Variants in DGKB observed in about 807,000 individuals in gnomAD.
DGKB encodes the protein diacylglycerol kinase beta.
Under a neutral mutation model 114.3 loss-of-function variants are expected in DGKB, and 67 were observed. That is an observed-to-expected ratio of 0.59 (90% confidence interval 0.48 to 0.72). The LOEUF (loss-of-function observed/expected upper bound fraction) is 0.72, where lower values mean the gene tolerates loss of function less well. Among genes scored for constraint, DGKB ranks in the 30% least tolerant of loss-of-function variants. DGKB has a pLI of 0.00. For synonymous variants in DGKB, 398 were observed against 323.1 expected, an observed-to-expected ratio of 1.23 and a Z score of -2.49; for missense variants, 907 against 975.2, an observed-to-expected ratio of 0.93 and a Z score of 0.93.
intron 23 of DGKB, among the ~76,000 whole-genome samples, chr7:14,285,914 A>G (rs1230902035): frequency 6.6e-6 from 1 of 152,128 alleles, no homozygotes; most frequent in East Asian, 1.9e-4. Context: ...AAAAAATACA[A>G]AGAAAACCCT....
intron 25 of DGKB, among the ~76,000 whole-genome samples, chr7:14,169,998 G>A (rs1780622340): frequency 6.6e-6 from 1 of 151,666 alleles, no homozygotes; most frequent in Non-Finnish European, 1.5e-5. Flanking sequence ...GCCAGGTGTG[G>A]TGGCACATGC....
intron 15 of DGKB, among the ~76,000 whole-genome samples, chr7:14,616,027 ATTT>A (rs1048363931): frequency 8.5e-4 from 128 of 150,988 alleles, no homozygotes; most frequent in African/African-American, 3.1e-3. Context: ...TTACAGTAAT[ATTT>A]TTATTTTTTT....
intron 13 of DGKB, among the ~76,000 whole-genome samples, chr7:14,639,970 T>C (rs1452249345): frequency 5.3e-5 from 8 of 151,988 alleles, no homozygotes; most frequent in Admixed American, 5.2e-4. Context: ...CAGTGGGTGT[T>C]ATCTACACAC....
chr7:14,309,876 A>C (rs1276427819), intron 23 of DGKB, among the ~76,000 whole-genome samples: 2 of 152,210 alleles, frequency 1.3e-5, no homozygotes, highest in African/African-American at 4.8e-5. Flanking sequence ...TACACAGAGT[A>C]TGTAGCCTAA....
In DGKB at chr7:14,338,665, T is replaced by C; in HGVS notation, c.1972A>G (p.Ile658Val). 6.3e-7 allele frequency: 1 copy of C among 1,599,368 alleles called. No homozygotes were observed. Among genetic ancestry groups the C allele is most frequent in the Non-Finnish European group, 8.5e-7 (1 of 1,172,192 alleles). The stretch of plus-strand genomic sequence containing the variant: ...ATGCTTGGTATATTCAAAATAGCAA[T>C]TCCTTCCAGAGAGATGTTTATTAAA... ...IDLINISLEG[I>V]AILNIPSMHG... Residue 658 changes from isoleucine to valine, a missense_variant, in exon 23 of 26, where the codon ATT becomes GTT. Transcript: ENST00000402815.
chr7:14,487,990 C>A (rs113858877), intron 20 of DGKB, among the ~76,000 whole-genome samples: 120 of 152,150 alleles, frequency 7.9e-4, no homozygotes, highest in African/African-American at 2.7e-3. Context: ...AACTTATGAA[C>A]ATTGTAATGG....
intron 25 of DGKB, among the ~76,000 whole-genome samples, chr7:14,165,353 A>C (rs1256569624): frequency 6.6e-6 from 1 of 152,180 alleles, no homozygotes; most frequent in Admixed American, 6.5e-5. Flanking sequence ...TGTACAACTT[A>C]CTAATTTGTT....
intron 1 of DGKB, among the ~76,000 whole-genome samples, chr7:14,876,610 G>C (rs1485586711): frequency 6.6e-6 from 1 of 152,196 alleles, no homozygotes; most frequent in African/African-American, 2.4e-5. Flanking sequence ...GTTCTATGGT[G>C]TAAGTTTTAT....
intron 19 of DGKB, among the ~76,000 whole-genome samples, chr7:14,577,518 G>A (rs939991225): frequency 9.2e-5 from 14 of 152,136 alleles, no homozygotes; most frequent in Admixed American, 7.9e-4. Context: ...TCGGGAGGCT[G>A]AGGCAGGAGA....
At chr7:14,327,986 T>C (rs574660851) in intron 23 of DGKB, among the ~76,000 whole-genome samples, 11 of 152,144 alleles carry the variant, frequency 7.2e-5, no homozygotes, top group African/African-American at 9.6e-5. Context: ...CTATTTTATA[T>C]GGAAGTCACA....
At position 14,480,165 on chromosome 7, in the gene DGKB, G is replaced by A. The variant is rs111687125; in HGVS notation, c.1771-1940C>T. On this transcript the variant is annotated intron_variant, in intron 20 of 25. Coordinates refer to ENST00000402815, the MANE Select transcript of DGKB (RefSeq NM_001350709.2). ...GGAGGGAGAAGAGAGGGGAGAGACA[G>A]CAAAAGACCATTTAAGTAGACTAGA... 2.0e-5 allele frequency among the ~76,000 whole-genome samples: 3 copies of A among 151,914 alleles called. No homozygotes were observed. In the East Asian group the frequency reaches 5.8e-4, roughly 29 times the overall value.
chr7:14,892,763 A>G (rs922887662), intron 1 of DGKB, among the ~76,000 whole-genome samples: 8 of 151,134 alleles, frequency 5.3e-5, no homozygotes, highest in Middle Eastern at 3.4e-3. Flanking sequence ...TGACTATAAA[A>G]CCTAAATACC....
intron 23 of DGKB, among the ~76,000 whole-genome samples, chr7:14,321,372 A>C: frequency 6.6e-6 from 1 of 152,316 alleles, no homozygotes; most frequent in South Asian, 2.1e-4. Flanking sequence ...GATGAAAAAC[A>C]ATAATTTTAT....
chr7:14,756,758 TA>T (rs1254240451), intron 3 of DGKB, among the ~76,000 whole-genome samples: 5 of 150,874 alleles, frequency 3.3e-5, no homozygotes, highest in Admixed American at 1.3e-4. Context: ...AAAAAAACAA[TA>T]ATAGCAAAAA....
At chr7:14,579,263 A>T (rs1204638616) in intron 19 of DGKB, among the ~76,000 whole-genome samples, 5 of 152,190 alleles carry the variant, frequency 3.3e-5, no homozygotes, top group African/African-American at 1.2e-4. Flanking sequence ...GTGCCAACAC[A>T]TATCAGACAC....
At chr7:14,755,202 GA>G (rs1212065108) in intron 3 of DGKB, among the ~76,000 whole-genome samples, 2 of 151,832 alleles carry the variant, frequency 1.3e-5, no homozygotes, top group Non-Finnish European at 2.9e-5. Context: ...TAAAAGATGG[GA>G]ATTAAAAGTA....
chr7:14,248,590 A>G (rs927944932), intron 23 of DGKB, among the ~76,000 whole-genome samples: 1 of 151,752 alleles, frequency 6.6e-6, no homozygotes, highest in Admixed American at 6.6e-5. Context: ...GTTCCTAAAT[A>G]TTTTATTTTT....
At chr7:14,874,978 T>A (rs2128204188) in intron 1 of DGKB, among the ~76,000 whole-genome samples, 1 of 152,226 alleles carries the variant, frequency 6.6e-6, no homozygotes, top group African/African-American at 2.4e-5. Flanking sequence ...AACAGCTAGA[T>A]ATTTTACATA....
intron 21 of DGKB, among the ~76,000 whole-genome samples, chr7:14,467,838 A>G (rs1302059205): frequency 6.6e-6 from 1 of 152,140 alleles, no homozygotes; most frequent in East Asian, 1.9e-4. Flanking sequence ...ATTAGTTCCA[A>G]TTAGCCATGC....
Sources: allele counts gnomAD v4.1 joint callset (sites outside exome capture counted in the v4.1 genomes callset), GRCh38; gene constraint gnomAD v4.1.1; transcripts MANE v1.5; gene names NCBI Gene and HGNC (gene_info 2026-07-23, HGNC 2026-07-21).